Variants in PLCL1 observed in about 807,000 individuals in gnomAD.
The protein encoded by PLCL1 is inactive phospholipase C-like protein 1.
PLCL1 carries 41 observed loss-of-function variants against 84.4 expected under a neutral mutation model. The observed-to-expected ratio is 0.49, with a 90% CI of 0.38 to 0.63. The LOEUF (loss-of-function observed/expected upper bound fraction) is 0.63, where lower values mean the gene tolerates loss of function less well. Ranked by LOEUF, PLCL1 falls within the 30% of genes least tolerant of loss-of-function variation. The probability of loss-of-function intolerance (pLI) is 0.00; values close to 1 mark genes in which losing one functional copy is unlikely to be tolerated. For missense variants in PLCL1, 1,206 were observed against 1,367.8 expected (o/e 0.88, Z 1.87); for synonymous variants, 490 against 488.3 (o/e 1.00, Z -0.05).
intron 1 of PLCL1, among the ~76,000 whole-genome samples, chr2:198,079,428 T>G (rs994389394): frequency 6.6e-6 from 1 of 151,998 alleles, no homozygotes. Context: ...AAAAAGACAT[T>G]TGGCCATTTT....
At chr2:198,071,054 A>G in intron 1 of PLCL1, 2 of 791,036 alleles carry the variant, frequency 2.5e-6, no homozygotes, top group Non-Finnish European at 3.1e-6. Context: ...TCAAGCTCTC[A>G]TATTATACTA....
chr2:197,899,606 G>A (rs187514115), intron 1 of PLCL1, among the ~76,000 whole-genome samples: 1 of 150,754 alleles, frequency 6.6e-6, no homozygotes, highest in South Asian at 2.1e-4. Context: ...GAAGGATTCT[G>A]CCTCAGGGCC....
At chr2:198,017,955 G>C (rs1291515338) in intron 1 of PLCL1, among the ~76,000 whole-genome samples, 1 of 152,148 alleles carries the variant, frequency 6.6e-6, no homozygotes, top group Non-Finnish European at 1.5e-5. Flanking sequence ...TGGCTGAATA[G>C]GAACAGCTCT....
At chr2:198,012,328 T>G (rs538617223) in intron 1 of PLCL1, among the ~76,000 whole-genome samples, 2 of 152,242 alleles carry the variant, frequency 1.3e-5, no homozygotes, top group Admixed American at 1.3e-4. Flanking sequence ...AGATACTTTC[T>G]CCTTATCTCA....
intron 1 of PLCL1, among the ~76,000 whole-genome samples, chr2:197,972,513 G>T (rs952918594): frequency 6.6e-6 from 1 of 152,028 alleles, no homozygotes; most frequent in African/African-American, 2.4e-5. Context: ...CCTGAGTGTG[G>T]GTAAAGTAAA....
At chr2:197,991,907 C>T (rs996789657) in intron 1 of PLCL1, among the ~76,000 whole-genome samples, 11 of 152,132 alleles carry the variant, frequency 7.2e-5, no homozygotes, top group East Asian at 1.9e-4. Context: ...TCTCCCTCAC[C>T]GGAGATCGCT....
intron 1 of PLCL1, among the ~76,000 whole-genome samples, chr2:198,049,867 A>G (rs546444093): frequency 2.4e-4 from 36 of 152,348 alleles, no homozygotes; most frequent in Non-Finnish European, 2.9e-5. Context: ...AAGTTTCTGC[A>G]GAGAGGACAG....
rs1430763334 is a variant in PLCL1, at chr2:197,962,143, TTAAACATCTC to T, written c.241-121608_241-121599del. On this transcript the variant is annotated intron_variant, in intron 1 of 5. Coordinates refer to ENST00000428675, the MANE Select transcript of PLCL1 (RefSeq NM_006226.4). Reference sequence around the variant, plus strand: ...CTTAACTCTTATCCTCCTTCTCCCTTTAAACATCTCTAAACACAAAAGGAATGATGGTACA... The same window carrying T: ...CTTAACTCTTATCCTCCTTCTCCCTTTAAACACAAAAGGAATGATGGTACA... 4.6e-5 allele frequency among the ~76,000 whole-genome samples: 7 copies of T among 152,032 alleles called. No homozygotes were observed. The East Asian group carries it at 1.4e-3, about 29-fold the overall frequency.
chr2:198,066,959 T>C (rs1050927008), intron 1 of PLCL1, among the ~76,000 whole-genome samples: 14 of 152,174 alleles, frequency 9.2e-5, no homozygotes, highest in Admixed American at 2.6e-4. Flanking sequence ...GTTTGTGTGA[T>C]TATCCTTTAA....
chr2:197,901,229 C>G (rs763696430), intron 1 of PLCL1, among the ~76,000 whole-genome samples: 1 of 152,154 alleles, frequency 6.6e-6, no homozygotes, highest in African/African-American at 2.4e-5. Context: ...TTCATCATTA[C>G]TCAGTACAGG....
intron 1 of PLCL1, among the ~76,000 whole-genome samples, chr2:197,819,068 C>T (rs1457168784): frequency 6.6e-6 from 1 of 152,084 alleles, no homozygotes; most frequent in African/African-American, 2.4e-5. Flanking sequence ...TGGATGCCTG[C>T]CTCACAGAGA....
intron 1 of PLCL1, among the ~76,000 whole-genome samples, chr2:197,830,497 A>G (rs1390895929): frequency 6.6e-6 from 1 of 152,112 alleles, no homozygotes; most frequent in South Asian, 2.1e-4. Flanking sequence ...GAATGAACAA[A>G]GCCTCCAAGA....
chr2:197,993,415 G>T (rs1191647202), intron 1 of PLCL1, among the ~76,000 whole-genome samples: 3 of 152,106 alleles, frequency 2.0e-5, no homozygotes, highest in Non-Finnish European at 4.4e-5. Flanking sequence ...ACCCTGTGCT[G>T]GTCCCTGTGT....
In PLCL1 at chr2:198,062,846, G is replaced by C. The variant is rs1051835860; in HGVS notation, c.241-20912G>C. Among the ~76,000 whole-genome samples, 2 of 152,190 alleles carry C rather than the reference G, an allele frequency of 1.3e-5. 1 individual carries two copies. The highest frequency in any genetic ancestry group is 2.9e-5 in the Non-Finnish European group (2 of 68,038). ...CTATCTCAGGTGATTCTTATAATCA[G>C]GTAAGTTTGGGACCAATGATGTAAT... On this transcript the variant is annotated intron_variant, in intron 1 of 5. Transcript: ENST00000428675.
intron 1 of PLCL1, among the ~76,000 whole-genome samples, chr2:197,813,692 AT>A (rs1244913926): frequency 3.9e-5 from 6 of 152,140 alleles, no homozygotes; most frequent in Non-Finnish European, 7.4e-5. Context: ...AAATAATTTA[AT>A]TCTCACAATA....
In PLCL1 at chr2:198,075,043, A is replaced by C. The variant is rs140630510; in HGVS notation, c.241-8715A>C. Among the ~76,000 whole-genome samples the C allele has an allele frequency of 6.8e-4, 104 of 152,304 alleles. 3 individuals are homozygous for C. In the South Asian group the frequency reaches 0.013, roughly 20 times the overall value. ...GTATTAAAGGTATACATTTAGCTAG[A>C]CTTCATCATTGACTTTCCTTTTAAA... On this transcript the variant is annotated intron_variant, in intron 1 of 5. Transcript: ENST00000428675.
intron 1 of PLCL1, among the ~76,000 whole-genome samples, chr2:198,040,549 G>A (rs968355479): frequency 2.0e-5 from 3 of 152,136 alleles, no homozygotes; most frequent in Admixed American, 6.5e-5. Flanking sequence ...TCCTTGGTGG[G>A]TGGAATTTCC....
intron 1 of PLCL1, among the ~76,000 whole-genome samples, chr2:197,845,970 C>T (rs1687114450): frequency 6.6e-6 from 1 of 151,982 alleles, no homozygotes; most frequent in Non-Finnish European, 1.5e-5. Context: ...GCACTTGATA[C>T]TAATTGAAAT....
chr2:197,911,330 C>T (rs1688480205), intron 1 of PLCL1, among the ~76,000 whole-genome samples: 1 of 151,696 alleles, frequency 6.6e-6, no homozygotes. Flanking sequence ...GAGTGTGACC[C>T]TGTCTCAAAA....
Sources: gnomAD v4.1 joint callset for allele counts (sites outside exome capture counted in the v4.1 genomes callset) on GRCh38, gnomAD v4.1.1 for gene constraint, MANE v1.5 for transcripts, NCBI Gene and HGNC (gene_info 2026-07-23, HGNC 2026-07-21) for gene names.